The following XYLT1 variants were observed in gnomAD, a reference collection of about 807,000 sequenced individuals.
XYLT1 encodes the protein xylosyltransferase 1, also known as beta-D-xylosyltransferase 1.
Under a neutral mutation model 91.3 loss-of-function variants are expected in XYLT1, and 36 were observed. The observed-to-expected ratio is 0.39, with a 90% CI of 0.30 to 0.52. The LOEUF (loss-of-function observed/expected upper bound fraction) is 0.52, where lower values mean the gene tolerates loss of function less well. Ranked by LOEUF, XYLT1 falls within the 20% of genes least tolerant of loss-of-function variation. XYLT1 has a pLI of 0.68. For synonymous variants in XYLT1, 588 were observed against 532.0 expected, an observed-to-expected ratio of 1.11 and a Z score of -1.45; for missense variants, 1,242 against 1,284.5, an observed-to-expected ratio of 0.97 and a Z score of 0.51.
chr16:17,379,436 G>A (rs2035642982), intron 1 of XYLT1, among the ~76,000 whole-genome samples: 2 of 152,174 alleles, frequency 1.3e-5, no homozygotes, highest in Non-Finnish European at 2.9e-5. Flanking sequence ...GCCTGCCTGG[G>A]GGCAGAGACA....
At chr16:17,350,146 T>C (rs1358114118) in intron 2 of XYLT1, among the ~76,000 whole-genome samples, 1 of 152,166 alleles carries the variant, frequency 6.6e-6, no homozygotes, top group East Asian at 1.9e-4. Context: ...AGTGGTGGGA[T>C]TACAGGCGTG....
chr16:17,170,886 T>A (rs893855843), intron 5 of XYLT1, among the ~76,000 whole-genome samples: 5 of 152,242 alleles, frequency 3.3e-5, no homozygotes, highest in Admixed American at 3.3e-4. Flanking sequence ...TGAGTCCTAG[T>A]TCTACTACTT....
intron 1 of XYLT1, among the ~76,000 whole-genome samples, chr16:17,406,596 G>C (rs1390881313): frequency 6.6e-6 from 1 of 152,220 alleles, no homozygotes; most frequent in Non-Finnish European, 1.5e-5. Context: ...GGGAGCTGAT[G>C]AGTCATTTGA....
At chr16:17,138,300 A>C in intron 8 of XYLT1, 55 bp downstream of exon 8, 1 of 1,583,238 alleles carries the variant, frequency 6.3e-7, no homozygotes, top group Admixed American at 1.7e-5. Context: ...ATTTCTGCAG[A>C]GGTTTGTTGG....
At chr16:17,182,478 T>C (rs184438162) in intron 5 of XYLT1, among the ~76,000 whole-genome samples, 35 of 152,194 alleles carry the variant, frequency 2.3e-4, no homozygotes, top group African/African-American at 8.2e-4. Flanking sequence ...AGTACCTCCT[T>C]ATAGGCCCTA....
rs763286849 is a variant in XYLT1, at chr16:17,259,053, G to A, written c.848C>T (p.Thr283Ile). 6.6e-7 allele frequency: 1 copy of A among 1,518,300 alleles called. No homozygotes were observed. The highest frequency in any genetic ancestry group is 8.8e-7 in the Non-Finnish European group (1 of 1,133,822). 94.1% of individuals were successfully genotyped at this position (1,518,300 alleles called of 1,614,324 possible). A position where few individuals can be genotyped will look rare whatever the true frequency, so the allele number is the denominator to read the frequency against. ...SKHCRQEIGE[T>I]YCRHKLGLLM... The stretch of plus-strand genomic sequence containing the variant: ...CAGCCCTAACTTGTGGCGGCAGTAA[G>A]TCTCCCCAATCTCCTGGCGGCAGTG... Residue 283 changes from threonine to isoleucine, a missense_variant, in exon 3 of 12, where the codon ACT (threonine) becomes ATT (isoleucine). This residue lies in a region of XYLT1 where 437 missense variants were observed against 411.5 expected (regional missense o/e 1.06). Coordinates refer to ENST00000261381, the MANE Select transcript of XYLT1 (RefSeq NM_022166.4).
At chr16:17,209,121 T>A (rs559628662) in intron 3 of XYLT1, among the ~76,000 whole-genome samples, 13 of 152,360 alleles carry the variant, frequency 8.5e-5, no homozygotes, top group African/African-American at 2.4e-4. Flanking sequence ...TCTTTTCATC[T>A]TGCAAAACTG....
intron 2 of XYLT1, among the ~76,000 whole-genome samples, chr16:17,289,679 T>G (rs1016879973): frequency 4.6e-5 from 7 of 152,182 alleles, no homozygotes. Context: ...ATGACTCCTA[T>G]TCAGAATATT....
intron 5 of XYLT1, among the ~76,000 whole-genome samples, chr16:17,178,620 C>G (rs2031997118): frequency 6.6e-6 from 1 of 152,202 alleles, no homozygotes; most frequent in Admixed American, 6.5e-5. Flanking sequence ...TGCCTGCCAC[C>G]TGTTTTTAGA....
intron 1 of XYLT1, among the ~76,000 whole-genome samples, chr16:17,424,315 A>G (rs1307126701): frequency 6.6e-6 from 1 of 152,238 alleles, no homozygotes; most frequent in Non-Finnish European, 1.5e-5. Flanking sequence ...ACTGAACAAG[A>G]TAAGGCCAAG....
intron 2 of XYLT1, among the ~76,000 whole-genome samples, chr16:17,272,824 C>G (rs938880416): frequency 5.9e-5 from 9 of 152,202 alleles, no homozygotes; most frequent in African/African-American, 2.2e-4. Context: ...TTCCGGGAGG[C>G]CTTCTACCTC....
intron 1 of XYLT1, among the ~76,000 whole-genome samples, chr16:17,391,588 C>T (rs965720223): frequency 2.0e-5 from 3 of 152,210 alleles, no homozygotes; most frequent in African/African-American, 7.2e-5. Context: ...CACTTCTGAC[C>T]TTGACCACCA....
chr16:17,207,936 C>A (rs1224844666), intron 3 of XYLT1, among the ~76,000 whole-genome samples: 1 of 152,152 alleles, frequency 6.6e-6, no homozygotes, highest in Non-Finnish European at 1.5e-5. Context: ...GGAAGCCCTC[C>A]CTGACTCTCT....
At chr16:17,439,491 G>A (rs2036505883) in intron 1 of XYLT1, among the ~76,000 whole-genome samples, 1 of 152,140 alleles carries the variant, frequency 6.6e-6, no homozygotes, top group Non-Finnish European at 1.5e-5. Flanking sequence ...CATGTATTGT[G>A]TGCTATTATT....
intron 3 of XYLT1, among the ~76,000 whole-genome samples, chr16:17,225,468 C>T (rs1293649579): frequency 1.3e-5 from 2 of 152,150 alleles, no homozygotes; most frequent in African/African-American, 4.8e-5. Context: ...CAAGCAGACC[C>T]TGCTGGTCTG....
At position 17,105,418 on chromosome 16, in the gene XYLT1, A is replaced by G. The variant is rs2141472654; in HGVS notation, c.*3277T>C. On this transcript the variant is annotated 3_prime_UTR_variant, in exon 12 of 12. Transcript: ENST00000261381. ...CGGAAGGACTCATGATCTCACCAGG[A>G]AAGCCTTTTTTTTCCCCTGCAAAGG... 6.6e-6 allele frequency: 1 copy of G among 152,324 alleles called. No individual in the cohort carries two copies. The highest frequency in any genetic ancestry group is 2.4e-5 in the African/African-American group (1 of 41,584). The allele number at this position is 152,324 out of a possible 1,614,324, so 9.4% of individuals were successfully genotyped here. A position where few individuals can be genotyped will look rare whatever the true frequency, so the allele number is the denominator to read the frequency against.
intron 5 of XYLT1, among the ~76,000 whole-genome samples, chr16:17,169,192 A>G (rs986932500): frequency 6.6e-6 from 1 of 152,170 alleles, no homozygotes; most frequent in Non-Finnish European, 1.5e-5. Flanking sequence ...ATGAAGTGAG[A>G]CAGCAGATGA....
At chr16:17,272,153 GTTTTTTT>G (rs35561235) in intron 2 of XYLT1, among the ~76,000 whole-genome samples, 56 of 80,316 alleles carry the variant, frequency 7.0e-4, no homozygotes, top group Middle Eastern at 0.012. Context: ...TTTGTTGTTG[GTTTTTTT>G]TTTTTTTTTT....
At chr16:17,384,834 A>G (rs558718533) in intron 1 of XYLT1, among the ~76,000 whole-genome samples, 1 of 152,034 alleles carries the variant, frequency 6.6e-6, no homozygotes, top group East Asian at 2.0e-4. Context: ...CTTTGACAGC[A>G]CCGGTATGTA....
Sources: gnomAD v4.1 joint callset for allele counts (sites outside exome capture counted in the v4.1 genomes callset) on GRCh38, gnomAD v4.1.1 for gene constraint, gnomAD v4.1.1 regional missense constraint, MANE v1.5 for transcripts, NCBI Gene and HGNC (gene_info 2026-07-23, HGNC 2026-07-21) for gene names.